Variants in ATP2C1 observed in about 807,000 individuals in gnomAD.
ATP2C1 encodes the protein ATPase secretory pathway Ca2+ transporting 1.
A neutral mutation model predicts 120.5 loss-of-function variants in ATP2C1; 31 were observed. The observed-to-expected ratio is 0.26, with a 90% confidence interval of 0.19 to 0.35. ATP2C1 has a LOEUF of 0.35. Among genes scored for constraint, ATP2C1 ranks in the 10% least tolerant of loss-of-function variants. ATP2C1 has a pLI of 1.00. For missense variants in ATP2C1, 731 were observed against 1,107.5 expected, an observed-to-expected ratio of 0.66 and a Z score of 4.83; for synonymous variants, 351 against 358.7, an observed-to-expected ratio of 0.98 and a Z score of 0.24.
chr3:130,993,803 A>G (rs1365565891), intron 21 of ATP2C1, 129 bp from the exon 22 acceptor site: 1 of 935,810 alleles, frequency 1.1e-6, no homozygotes, highest in Non-Finnish European at 1.7e-6. Flanking sequence ...TCATTGAACA[A>G]TGGGTGGTCT....
At chr3:130,857,218 A>G (rs1396367619) in intron 1 of ATP2C1, among the ~76,000 whole-genome samples, 3 of 152,240 alleles carry the variant, frequency 2.0e-5, no homozygotes, top group Non-Finnish European at 2.9e-5. Context: ...AAAAGCTACC[A>G]ATGGTTTTTC....
At chr3:130,991,748 A>C (rs569232201) in intron 20 of ATP2C1, among the ~76,000 whole-genome samples, 163 of 152,248 alleles carry the variant, frequency 1.1e-3, no homozygotes, top group African/African-American at 3.8e-3. Context: ...AGAAGGTAGA[A>C]TCTTTGACCT....
intron 1 of ATP2C1, among the ~76,000 whole-genome samples, chr3:130,883,605 C>T (rs960810026): frequency 4.6e-5 from 7 of 152,136 alleles, no homozygotes; most frequent in African/African-American, 1.2e-4. Flanking sequence ...GCACCTGCCA[C>T]GACGCCCAGC....
intron 2 of ATP2C1, among the ~76,000 whole-genome samples, chr3:130,915,213 C>T (rs898650094): frequency 6.6e-6 from 1 of 151,944 alleles, no homozygotes; most frequent in Non-Finnish European, 1.5e-5. Context: ...CTTGTCTCAG[C>T]CTCCCAAGTA....
chr3:130,915,055 T>G (rs1219050398), intron 2 of ATP2C1, among the ~76,000 whole-genome samples: 1 of 151,798 alleles, frequency 6.6e-6, no homozygotes, highest in Non-Finnish European at 1.5e-5. Flanking sequence ...AAGAAAAGAG[T>G]TAATTGTGAA....
chr3:130,929,387 T>C (rs1032025047), intron 2 of ATP2C1, among the ~76,000 whole-genome samples: 1 of 152,202 alleles, frequency 6.6e-6, no homozygotes, highest in Admixed American at 6.5e-5. Flanking sequence ...AATGACACTC[T>C]AATGTAGTAG....
chr3:130,864,909 C>T (rs563456466), intron 1 of ATP2C1, among the ~76,000 whole-genome samples: 1 of 152,284 alleles, frequency 6.6e-6, no homozygotes, highest in East Asian at 1.9e-4. Context: ...AATGTGGAGT[C>T]AGAGCCCCCA....
Position 130,955,083 on chromosome 3 carries a change from G to C in ATP2C1, c.756+3G>C. 6.3e-7 allele frequency: 1 copy of C among 1,586,978 alleles called. No homozygotes were observed. The highest frequency in any genetic ancestry group is 8.7e-7 in the Non-Finnish European group (1 of 1,155,856). On this transcript the variant is annotated splice_donor_region_variant and intron_variant, in intron 10 of 27. Coordinates refer to ENST00000510168, the MANE Select transcript of ATP2C1 (RefSeq NM_001378687.1). Reference sequence around the variant, plus strand: ...TTAAAATGATGCAAGCAGAAGAGGTGAGTACTTAATATGTTAATGATGTAT... The same window carrying C: ...TTAAAATGATGCAAGCAGAAGAGGTCAGTACTTAATATGTTAATGATGTAT...
intron 1 of ATP2C1, among the ~76,000 whole-genome samples, chr3:130,888,527 C>G (rs951060195): frequency 1.3e-5 from 2 of 152,228 alleles, no homozygotes; most frequent in Admixed American, 1.3e-4. Flanking sequence ...GTCCATTCCC[C>G]TCTGGCTAGG....
chr3:130,852,409 G>T (rs912858272), intron 1 of ATP2C1, among the ~76,000 whole-genome samples: 1 of 151,828 alleles, frequency 6.6e-6, no homozygotes, highest in African/African-American at 2.4e-5. Flanking sequence ...ATGGTTCTTT[G>T]TTTTTAGTTT....
At chr3:130,892,817 G>T (rs1199316893), upstream of ATP2C1, among the ~76,000 whole-genome samples, 1 of 147,898 alleles carries the variant, frequency 6.8e-6, no homozygotes, top group Non-Finnish European at 1.5e-5. Flanking sequence ...AATCTAGAAA[G>T]CTGTCCAGAA....
chr3:130,962,174 G>T (rs2060850139), intron 12 of ATP2C1, among the ~76,000 whole-genome samples: 2 of 152,066 alleles, frequency 1.3e-5, no homozygotes, highest in South Asian at 4.1e-4. Flanking sequence ...CTGAAGGCTG[G>T]TATGAATATA....
Position 130,989,619 on chromosome 3 carries a change from G to T in ATP2C1, c.1840-3332G>T, listed in dbSNP as rs182972234. On this transcript the variant is annotated intron_variant, in intron 20 of 27. Transcript: ENST00000510168. Reference sequence around the variant, plus strand: ...AAAGAACATTGTAGTTGGGACTCATGAGCCGCTTGCTCGAGCCCGTTCTAC... The same window carrying T: ...AAAGAACATTGTAGTTGGGACTCATTAGCCGCTTGCTCGAGCCCGTTCTAC... 3.1e-3 allele frequency among the ~76,000 whole-genome samples: 474 copies of T among 150,812 alleles called. 1 individual carries two copies. Among genetic ancestry groups the T allele is most frequent in the Non-Finnish European group, 4.8e-3 (328 of 67,756 alleles).
chr3:131,007,534 A>G (rs1221909376), downstream of ATP2C1, among the ~76,000 whole-genome samples: 2 of 152,242 alleles, frequency 1.3e-5, no homozygotes, highest in African/African-American at 2.4e-5. Flanking sequence ...TGAGCACTCA[A>G]TGCCAGAAAC....
At chr3:130,964,683 A>G (rs1226912126) in intron 13 of ATP2C1, among the ~76,000 whole-genome samples, 2 of 152,104 alleles carry the variant, frequency 1.3e-5, no homozygotes, top group African/African-American at 2.4e-5. Context: ...AGATCATTAC[A>G]TAAAGCTAAT....
chr3:130,920,804 G>A (rs2058920860), intron 2 of ATP2C1, among the ~76,000 whole-genome samples: 1 of 152,182 alleles, frequency 6.6e-6, no homozygotes, highest in Non-Finnish European at 1.5e-5. Context: ...TTAACAAAAC[G>A]TGAGCATAGG....
intron 20 of ATP2C1, among the ~76,000 whole-genome samples, chr3:130,982,193 GTA>G (rs2061797918): frequency 6.6e-6 from 1 of 152,080 alleles, no homozygotes; most frequent in Non-Finnish European, 1.5e-5. Flanking sequence ...GTATTTTTTT[GTA>G]TATGTTGTAA....
chr3:131,004,790 G>A (rs891793424), downstream of ATP2C1, among the ~76,000 whole-genome samples: 1 of 152,200 alleles, frequency 6.6e-6, no homozygotes, highest in Non-Finnish European at 1.5e-5. Flanking sequence ...TGGTGGTAGG[G>A]GCTATAAGGA....
intron 10 of ATP2C1, 125 bp from the exon 11 acceptor site, chr3:130,955,979 C>T (rs1016078470): frequency 9.9e-6 from 7 of 708,152 alleles, no homozygotes; most frequent in East Asian, 5.3e-5. Flanking sequence ...TGATTATTTA[C>T]CTTATGGGAG....
Sources: gnomAD v4.1 joint callset for allele counts (sites outside exome capture counted in the v4.1 genomes callset) on GRCh38, gnomAD v4.1.1 for gene constraint, MANE v1.5 for transcripts, NCBI Gene and HGNC (gene_info 2026-07-23, HGNC 2026-07-21) for gene names.